The following PTCRA variants were observed in gnomAD, a reference collection of about 807,000 sequenced individuals.
PTCRA encodes pre T-cell antigen receptor alpha.
In PTCRA, 9 loss-of-function variants were observed where a neutral mutation model predicts 13.4. The observed-to-expected ratio is 0.67, with a 90% CI of 0.41 to 1.18. The LOEUF (loss-of-function observed/expected upper bound fraction) is 1.18, where lower values mean the gene tolerates loss of function less well. PTCRA is among the 50% of genes most tolerant of loss of function. The pLI, the probability that PTCRA is intolerant of heterozygous loss-of-function variation, is 0.01. For missense variants in PTCRA, 353 were observed against 359.8 expected (o/e 0.98, Z 0.15); for synonymous variants, 153 against 161.9 (o/e 0.94, Z 0.42).
In PTCRA at chr6:42,925,409, C is replaced by G; in HGVS notation, c.573C>G (p.Leu191=). ...CAACCACCACCCGCCTGCGAGCCCT[C>G]GGCTCCCATCGACTGCACCCGGCCA... The part of the protein sequence containing the change: ...SPATTTRLRA[L]GSHRLHPATE... The change falls in exon 4 of 4, where the codon CTC becomes CTG. Residue 191 remains leucine, a synonymous_variant. Transcript: ENST00000304672. This position sits in a 1 kb window ranked among gnomAD's most constrained non-coding sequence, Gnocchi z 4.4. The G allele has an allele frequency of 6.4e-7, 1 of 1,554,970 alleles. No homozygotes were observed. Among genetic ancestry groups the G allele is most frequent in the Non-Finnish European group, 8.7e-7 (1 of 1,148,908 alleles).
chr6:42,925,447 G>T lies in PTCRA; in HGVS notation c.611G>T (p.Gly204Val). The T allele has an allele frequency of 4.5e-6, 7 of 1,555,428 alleles. No individual in the cohort carries two copies. The highest frequency in any genetic ancestry group is 6.1e-6 in the Non-Finnish European group (7 of 1,148,984). The change falls in exon 4 of 4, where the codon GGA (glycine) becomes GTA (valine). Residue 204 changes from glycine to valine, a missense_variant. Physicochemically the swap from Gly to Val is moderately radical, Grantham distance 109. Coordinates refer to ENST00000304672, the MANE Select transcript of PTCRA (RefSeq NM_138296.3). This position sits in a 1 kb window ranked among gnomAD's most constrained non-coding sequence, Gnocchi z 4.4. ...CTGCACCCGGCCACGGAGACTGGGG[G>T]ACGAGAGGCCACCAGCTCACCCAGA... ...HRLHPATETG[G>V]REATSSPRPQ...
chr6:42,924,885 C>A (rs1027398290), intron 3 of PTCRA, among the ~76,000 whole-genome samples: 7 of 151,778 alleles, frequency 4.6e-5, no homozygotes, highest in African/African-American at 1.7e-4. Context: ...GTAGAAGAAT[C>A]ACTTGAACCC....
chr6:42,925,332 C>A lies in PTCRA; in HGVS notation c.496C>A (p.Leu166Ile). ...LLFKLLLFDLLLTCSCLCDPA... is the reference protein window; with the variant it reads ...LLFKLLLFDLILTCSCLCDPA... ...CTTCAAGCTGCTGCTGTTTGACCTGCTCCTGACCTGCAGCTGCCTGTGCGA... is the reference window on the plus strand; with the variant it reads ...CTTCAAGCTGCTGCTGTTTGACCTGATCCTGACCTGCAGCTGCCTGTGCGA... Residue 166 changes from leucine to isoleucine, a missense_variant, in exon 4 of 4, where the codon CTC becomes ATC. Transcript: ENST00000304672. The surrounding 1 kb of genome is among the most constrained non-coding windows in gnomAD (Gnocchi z 4.4). 3 of 1,583,082 alleles carry A rather than the reference C, an allele frequency of 1.9e-6. No individual in the cohort carries two copies. The highest frequency in any genetic ancestry group is 2.6e-6 in the Non-Finnish European group (3 of 1,168,956).
rs553222200 is a variant in PTCRA at position 42,923,962 on chromosome 6, G to C, written c.380-267G>C. 1.3e-3 allele frequency among the ~76,000 whole-genome samples: 200 copies of C among 152,306 alleles called. 1 individual carries two copies. Among genetic ancestry groups the C allele is most frequent in the African/African-American group, 4.5e-3 (188 of 41,562 alleles). On this transcript the variant is annotated intron_variant, in intron 2 of 3. Transcript: ENST00000304672. ...TGCCCTGACTTCCAAAGAATGCTGC[G>C]AAGACAGTCAGTTCCTTATCTGAGA...
intron 1 of PTCRA, among the ~76,000 whole-genome samples, chr6:42,919,903 G>A (rs964817072): frequency 2.0e-5 from 3 of 149,332 alleles, no homozygotes; most frequent in Non-Finnish European, 4.4e-5. Flanking sequence ...AAATGTAGCC[G>A]GGTGTTGTGA....
chr6:42,917,710 C>T (rs1455684696), intron 1 of PTCRA, among the ~76,000 whole-genome samples: 10 of 150,304 alleles, frequency 6.7e-5, no homozygotes, highest in South Asian at 2.1e-4. Context: ...CCATCATGCC[C>T]GGCTAATTTT....
At position 42,925,097 on chromosome 6, in the gene PTCRA, T is replaced by C; in HGVS notation, c.425-164T>C. 1 of 896,414 alleles carries C rather than the reference T, an allele frequency of 1.1e-6. No homozygotes were observed. The highest frequency in any genetic ancestry group is 1.6e-6 in the Non-Finnish European group (1 of 608,272). 55.5% of individuals were successfully genotyped at this position (896,414 alleles called of 1,614,324 possible). ...ATAAAATGAAGGCCAGGAAGGTATG[T>C]ATTATTACCAGTAAGAACGGAGGCT... On this transcript the variant is annotated intron_variant, in intron 3 of 3. Transcript: ENST00000304672. The surrounding 1 kb of genome is among the most constrained non-coding windows in gnomAD (Gnocchi z 4.4).
intron 1 of PTCRA, among the ~76,000 whole-genome samples, chr6:42,920,641 G>C (rs927552860): frequency 1.8e-4 from 27 of 151,840 alleles, no homozygotes; most frequent in African/African-American, 6.0e-4. Context: ...TAGCCAGGAT[G>C]GTCTCTATCT....
intron 1 of PTCRA, among the ~76,000 whole-genome samples, chr6:42,920,849 G>A (rs997195832): frequency 2.0e-5 from 3 of 149,800 alleles, no homozygotes; most frequent in African/African-American, 7.4e-5. Context: ...CCAGGCTGGA[G>A]TGCAGTGACG....
At chr6:42,923,715 G>A (rs1767299832) in intron 2 of PTCRA, among the ~76,000 whole-genome samples, 1 of 152,162 alleles carries the variant, frequency 6.6e-6, no homozygotes, top group African/African-American at 2.4e-5. Context: ...GTTCCAGGCA[G>A]TGTTCTACAG....
rs746183695 is a variant in PTCRA, at chr6:42,925,608, A to C, written c.772A>C (p.Arg258=). ...GGCCTGGTGCTCAAGATCTGCCCTC[A>C]GGGCTCCTTCCTCCAGTCTTGGAGC... The part of the protein sequence containing the change: ...AQAWCSRSAL[R]APSSSLGAFF... Residue 258 remains arginine, a synonymous_variant, in exon 4 of 4, where the codon AGG becomes CGG. Transcript: ENST00000304672. The surrounding 1 kb of genome is among the most constrained non-coding windows in gnomAD (Gnocchi z 4.4). The C allele has an allele frequency of 1.3e-6, 2 of 1,589,736 alleles. No individual in the cohort carries two copies. Among genetic ancestry groups the C allele is most frequent in the African/African-American group, 1.3e-5 (1 of 74,344 alleles).
chr6:42,918,128 G>A (rs1381785777), intron 1 of PTCRA, among the ~76,000 whole-genome samples: 1 of 151,526 alleles, frequency 6.6e-6, no homozygotes, highest in Non-Finnish European at 1.5e-5. Flanking sequence ...ATGGTGGCAG[G>A]TGCCTGTAAT....
intron 1 of PTCRA, 140 bp downstream of exon 1, chr6:42,916,267 C>G (rs1014794700): frequency 2.4e-5 from 19 of 807,572 alleles, no homozygotes; most frequent in Non-Finnish European, 3.6e-5. Context: ...GAGGGTCCCT[C>G]TGGGGAGGGG....
Position 42,923,213 on chromosome 6 carries a change from C to G in PTCRA, c.245C>G (p.Thr82Arg). Residue 82 changes from threonine (T) to arginine (R), a missense_variant, in exon 2 of 4, where the codon ACG (threonine) becomes AGG (arginine). Thr to Arg is a moderately conservative substitution (Grantham distance 71, BLOSUM62 -1). Transcript: ENST00000304672. Reference protein sequence around the residue: ...DAFTYGPSPATDGTWTNLAHL... With the variant: ...DAFTYGPSPARDGTWTNLAHL... ...TTCACCTATGGCCCTTCCCCAGCAACGGATGGCACCTGGACCAACTTGGCC... is the reference window on the plus strand; with the variant it reads ...TTCACCTATGGCCCTTCCCCAGCAAGGGATGGCACCTGGACCAACTTGGCC... 1 of 1,614,242 alleles carries G rather than the reference C, an allele frequency of 6.2e-7. No homozygotes were observed. Among genetic ancestry groups the G allele is most frequent in the Non-Finnish European group, 8.5e-7 (1 of 1,180,040 alleles).
In PTCRA at chr6:42,923,367, C is replaced by A; in HGVS notation, c.379+20C>A. 6.2e-7 allele frequency: 1 copy of A among 1,607,956 alleles called. No individual in the cohort carries two copies. The highest frequency in any genetic ancestry group is 8.5e-7 in the Non-Finnish European group (1 of 1,175,054). ...TGTCAGGTGGGGATGGAGCCTGGGCCCTTGCGGATGCTCCCTGTCCCCTTC... is the reference window on the plus strand; with the variant it reads ...TGTCAGGTGGGGATGGAGCCTGGGCACTTGCGGATGCTCCCTGTCCCCTTC... On this transcript the variant is annotated intron_variant, in intron 2 of 3. Coordinates refer to ENST00000304672, the MANE Select transcript of PTCRA (RefSeq NM_138296.3).
intron 1 of PTCRA, among the ~76,000 whole-genome samples, chr6:42,917,512 TC>T: frequency 7.0e-6 from 1 of 143,610 alleles, no homozygotes; most frequent in East Asian, 2.0e-4. Flanking sequence ...GTGAGCCACC[TC>T]ACCCAGCCCG....
Position 42,925,810 on chromosome 6 carries a change from T to A in PTCRA, c.*128T>A. The A allele has an allele frequency of 1.9e-6, 1 of 527,318 alleles. No homozygotes were observed. Among genetic ancestry groups the A allele is most frequent in the Non-Finnish European group, 3.2e-6 (1 of 307,828 alleles). 32.7% of individuals were successfully genotyped at this position (527,318 alleles called of 1,614,324 possible). On this transcript the variant is annotated 3_prime_UTR_variant, in exon 4 of 4. Transcript: ENST00000304672. This position sits in a 1 kb window ranked among gnomAD's most constrained non-coding sequence, Gnocchi z 4.4. ...TTTAGGGAGCAGATGACTGAGAACA[T>A]TAAAAAAGAACTTAAATGACACAGC...
At chr6:42,916,279 C>T in intron 1 of PTCRA, 152 bp downstream of exon 1, 1 of 725,122 alleles carries the variant, frequency 1.4e-6, no homozygotes, top group South Asian at 1.8e-5. Context: ...GGGGAGGGGA[C>T]CTCTGGGGAG....
intron 1 of PTCRA, chr6:42,922,112 C>T: frequency 3.1e-6 from 2 of 652,758 alleles, no homozygotes; most frequent in Middle Eastern, 2.4e-4. Flanking sequence ...GCACACTCCA[C>T]CTAGATTAAC....
Sources: allele counts gnomAD v4.1 joint callset (sites outside exome capture counted in the v4.1 genomes callset), GRCh38; gene constraint gnomAD v4.1.1; non-coding constraint Gnocchi (gnomAD v3.1); transcripts MANE v1.5; gene names NCBI Gene and HGNC (gene_info 2026-07-23, HGNC 2026-07-21).